ELMOD1: variants seen among roughly 807,000 people sequenced by gnomAD.
ELMOD1 encodes ELMO domain containing 1, also known as ELMO domain-containing protein 1.
In ELMOD1, 21 loss-of-function variants were observed where a neutral mutation model predicts 46.7. That is an observed-to-expected ratio of 0.45 (90% CI 0.32 to 0.65). The LOEUF is 0.65. ELMOD1 is among the 30% of genes least tolerant of loss of function. ELMOD1 has a pLI of 0.04. For missense variants in ELMOD1, 348 were observed against 407.8 expected (o/e 0.85, Z 1.26); for synonymous variants, 122 against 138.2 (o/e 0.88, Z 0.82).
chr11:107,640,771 C>A (rs1267150438), intron 6 of ELMOD1, among the ~76,000 whole-genome samples: 1 of 152,132 alleles, frequency 6.6e-6, no homozygotes, highest in African/African-American at 2.4e-5. Context: ...ACCTTCTGTG[C>A]TTTATCAAAA....
At chr11:107,653,155 T>C (rs1169608983) in intron 9 of ELMOD1, among the ~76,000 whole-genome samples, 1 of 152,130 alleles carries the variant, frequency 6.6e-6, no homozygotes, top group Non-Finnish European at 1.5e-5. Flanking sequence ...TAGTGTAAAA[T>C]ACTGAATAAA....
intron 6 of ELMOD1, among the ~76,000 whole-genome samples, chr11:107,637,214 T>G (rs900736824): frequency 6.6e-5 from 10 of 152,240 alleles, no homozygotes; most frequent in South Asian, 2.1e-4. Flanking sequence ...GATAAGGAAA[T>G]GATGGCTATC....
intron 6 of ELMOD1, among the ~76,000 whole-genome samples, chr11:107,647,143 G>A (rs917282758): frequency 6.6e-6 from 1 of 152,116 alleles, no homozygotes; most frequent in South Asian, 2.1e-4. Context: ...GAGACAATGA[G>A]AGCGAAAAGG....
At chr11:107,625,550 C>T in intron 2 of ELMOD1, 1 of 985,388 alleles carries the variant, frequency 1.0e-6, no homozygotes, top group Non-Finnish European at 1.2e-6. Flanking sequence ...CACCCCCTCA[C>T]CCCACAGGCA....
chr11:107,594,750 A>T (rs1409977335), intron 1 of ELMOD1, among the ~76,000 whole-genome samples: 1 of 152,222 alleles, frequency 6.6e-6, no homozygotes, highest in Admixed American at 6.5e-5. Context: ...GGTTTTAGCA[A>T]ATCTGTTGCT....
intron 1 of ELMOD1, among the ~76,000 whole-genome samples, 167 bp downstream of exon 1, chr11:107,591,576 G>A (rs887060651): frequency 2.0e-5 from 3 of 152,244 alleles, no homozygotes; most frequent in Non-Finnish European, 1.5e-5. Flanking sequence ...AGTGCACTCT[G>A]CCTTGGTGCA....
intron 1 of ELMOD1, among the ~76,000 whole-genome samples, chr11:107,593,515 C>T (rs1274981518): frequency 1.3e-5 from 2 of 152,200 alleles, no homozygotes; most frequent in East Asian, 3.8e-4. Flanking sequence ...AACCTAGTTG[C>T]ATTAACAGAC....
chr11:107,617,964 T>C, intron 1 of ELMOD1, 141 bp from the exon 2 acceptor site: 1 of 573,266 alleles, frequency 1.7e-6, no homozygotes, highest in African/African-American at 1.9e-5. Context: ...TCCATTGAAT[T>C]GCATTGCTCT....
At chr11:107,594,381 G>A (rs1050193087) in intron 1 of ELMOD1, among the ~76,000 whole-genome samples, 1 of 152,138 alleles carries the variant, frequency 6.6e-6, no homozygotes, top group African/African-American at 2.4e-5. Context: ...CTGAGAATGA[G>A]GGAAGGGAGG....
chr11:107,637,893 T>C lies in ELMOD1; in HGVS notation c.420+2128T>C, dbSNP rs956489689. Among the ~76,000 whole-genome samples, 8 of 152,048 alleles carry C rather than the reference T, an allele frequency of 5.3e-5. No homozygotes were observed. In the East Asian group the frequency reaches 5.8e-4, roughly 11 times the overall value. ...AAATACTGTTGGAGGGATTTTTTTTTCCTCAAAACACAGATATATTCATTG... is the reference window on the plus strand; with the variant it reads ...AAATACTGTTGGAGGGATTTTTTTTCCCTCAAAACACAGATATATTCATTG... On this transcript the variant is annotated intron_variant, in intron 6 of 11. Transcript: ENST00000265840.
intron 1 of ELMOD1, among the ~76,000 whole-genome samples, chr11:107,608,913 A>G (rs1474327044): frequency 6.6e-6 from 1 of 152,136 alleles, no homozygotes; most frequent in Non-Finnish European, 1.5e-5. Context: ...CTTTATTCTC[A>G]TGTCAATCCA....
At chr11:107,664,517 C>T (rs1307678290) in intron 11 of ELMOD1, among the ~76,000 whole-genome samples, 1 of 152,144 alleles carries the variant, frequency 6.6e-6, no homozygotes, top group Non-Finnish European at 1.5e-5. Flanking sequence ...AACGACCAGT[C>T]TGTGTTGTTC....
At chr11:107,630,004 G>C (rs1483673999) in intron 2 of ELMOD1, among the ~76,000 whole-genome samples, 2 of 152,128 alleles carry the variant, frequency 1.3e-5, no homozygotes, top group South Asian at 4.1e-4. Context: ...ATGGACAAGG[G>C]CAAGCTGAGA....
intron 2 of ELMOD1, among the ~76,000 whole-genome samples, chr11:107,624,104 T>A (rs1024535126): frequency 1.3e-5 from 2 of 152,200 alleles, no homozygotes; most frequent in Non-Finnish European, 2.9e-5. Flanking sequence ...TCTTATCCCC[T>A]ATAGAATATT....
chr11:107,627,025 G>C (rs987537020), intron 2 of ELMOD1, among the ~76,000 whole-genome samples: 1 of 152,132 alleles, frequency 6.6e-6, no homozygotes, highest in African/African-American at 2.4e-5. Context: ...ACCATGACCT[G>C]CCTGGACCAG....
chr11:107,627,807 A>G (rs1866068485), intron 2 of ELMOD1, among the ~76,000 whole-genome samples: 1 of 152,180 alleles, frequency 6.6e-6, no homozygotes, highest in Non-Finnish European at 1.5e-5. Context: ...CCTCTTCTCT[A>G]GGAAGATTTA....
intron 1 of ELMOD1, chr11:107,591,638 C>T (rs1865393560): frequency 1.4e-5 from 5 of 360,796 alleles, no homozygotes; most frequent in South Asian, 1.1e-4. Flanking sequence ...CCTGTCCTCC[C>T]AATTAACACC....
At chr11:107,607,854 A>G (rs1263791346) in intron 1 of ELMOD1, among the ~76,000 whole-genome samples, 1 of 152,110 alleles carries the variant, frequency 6.6e-6, no homozygotes, top group East Asian at 1.9e-4. Flanking sequence ...CTGAAATGAG[A>G]ATAGCGCAAA....
chr11:107,608,181 T>C (rs911628813), intron 1 of ELMOD1, among the ~76,000 whole-genome samples: 4 of 152,146 alleles, frequency 2.6e-5, no homozygotes, highest in African/African-American at 9.7e-5. Flanking sequence ...TTGATTTTTT[T>C]CTCCTACTGG....
Sources: gnomAD v4.1 joint callset for allele counts (sites outside exome capture counted in the v4.1 genomes callset) on GRCh38, gnomAD v4.1.1 for gene constraint, MANE v1.5 for transcripts, NCBI Gene and HGNC (gene_info 2026-07-23, HGNC 2026-07-21) for gene names.